Variants in THADA observed in about 807,000 individuals in gnomAD.
The protein encoded by THADA is tRNA (32-2'-O)-methyltransferase regulator THADA.
Under a neutral mutation model 219.8 loss-of-function variants are expected in THADA, and 213 were observed. The ratio of observed to expected loss-of-function variants is 0.97; its 90% CI spans 0.87 to 1.09. The LOEUF (loss-of-function observed/expected upper bound fraction) is 1.09, where lower values mean the gene tolerates loss of function less well. Among genes scored for constraint, THADA ranks in the 50% least tolerant of loss-of-function variants. THADA has a pLI of 0.00. For missense variants in THADA, 2,956 were observed against 2,311.3 expected (o/e 1.28, Z -5.72); for synonymous variants, 1,018 against 828.9 (o/e 1.23, Z -3.92).
At chr2:43,394,260 T>TA (rs1673754099) in intron 29 of THADA, among the ~76,000 whole-genome samples, 1 of 152,222 alleles carries the variant, frequency 6.6e-6, no homozygotes, top group African/African-American at 2.4e-5. Context: ...AAGAAATGAA[T>TA]CCCACATGTT....
chr2:43,356,191 T>C (rs1164754915), intron 29 of THADA, among the ~76,000 whole-genome samples: 1 of 152,192 alleles, frequency 6.6e-6, no homozygotes, highest in Non-Finnish European at 1.5e-5. Context: ...CATTGATTCA[T>C]TCAATAAACA....
At chr2:43,333,228 C>T (rs918154727) in intron 30 of THADA, 2 of 152,176 alleles carry the variant, frequency 1.3e-5, no homozygotes, top group African/African-American at 4.8e-5. Flanking sequence ...AGGATCTCAT[C>T]CGGAGATATC....
At chr2:43,494,324 T>TCA (rs1454488347) in intron 25 of THADA, among the ~76,000 whole-genome samples, 4 of 152,212 alleles carry the variant, frequency 2.6e-5, no homozygotes, top group Admixed American at 2.6e-4. Context: ...TTTCCTTGCC[T>TCA]CACTTCCCTT....
At chr2:43,535,416 C>A (rs942156020) in intron 21 of THADA, among the ~76,000 whole-genome samples, 3 of 151,410 alleles carry the variant, frequency 2.0e-5, no homozygotes, top group Non-Finnish European at 4.4e-5. Flanking sequence ...CGGTGGCTCA[C>A]GCCTGTAATC....
At chr2:43,539,853 C>A (rs1365644968) in intron 21 of THADA, among the ~76,000 whole-genome samples, 1 of 151,622 alleles carries the variant, frequency 6.6e-6, no homozygotes, top group Non-Finnish European at 1.5e-5. Context: ...CCAATTTTAA[C>A]ACGGCTGTCG....
intron 30 of THADA, among the ~76,000 whole-genome samples, chr2:43,322,568 A>G (rs1016199415): frequency 1.1e-4 from 16 of 151,760 alleles, no homozygotes; most frequent in Middle Eastern, 3.2e-3. Flanking sequence ...AGGACACGCA[A>G]TGAAAATGAA....
rs537435940 is a variant in THADA, at chr2:43,570,236, C to A, written c.2187+152G>T. Among the ~76,000 whole-genome samples the A allele has an allele frequency of 3.9e-4, 60 of 152,058 alleles. 1 individual carries two copies. The highest frequency in any genetic ancestry group is 1.4e-3 in the African/African-American group (59 of 41,482). ...ACCCAGGCTACATCAAGTAGAGTAC[C>A]AAAGCACCAGAAATAGGTAATACTC... On this transcript the variant is annotated intron_variant, in intron 14 of 37. Transcript: ENST00000405975.
chr2:43,591,058 C>T (rs764957372), intron 3 of THADA, 104 bp from the exon 4 acceptor site: 1 of 1,050,072 alleles, frequency 9.5e-7, no homozygotes, highest in South Asian at 1.7e-5. Context: ...CAGTGGCTCA[C>T]CCCTGTAATC....
intron 36 of THADA, among the ~76,000 whole-genome samples, chr2:43,248,252 C>T (rs1258505245): frequency 2.5e-5 from 3 of 121,224 alleles, no homozygotes; most frequent in East Asian, 2.9e-4. Context: ...GAGAGAGAGA[C>T]GGAGTCTCGC....
chr2:43,593,066 G>GCT (rs1290083689), intron 1 of THADA, among the ~76,000 whole-genome samples: 2 of 152,150 alleles, frequency 1.3e-5, no homozygotes, highest in African/African-American at 4.8e-5. Context: ...ATGTCATAGG[G>GCT]CTCTTCTCTT....
chr2:43,345,387 A>T (rs1667525575), intron 29 of THADA, among the ~76,000 whole-genome samples: 1 of 152,230 alleles, frequency 6.6e-6, no homozygotes, highest in African/African-American at 2.4e-5. Flanking sequence ...AATACATGCC[A>T]AGCACCTTCT....
chr2:43,435,616 G>A (rs1233452321), intron 26 of THADA, among the ~76,000 whole-genome samples: 1 of 151,398 alleles, frequency 6.6e-6, no homozygotes, highest in African/African-American at 2.4e-5. Flanking sequence ...AATCCTGTCT[G>A]TACTAAAAAT....
At chr2:43,445,497 G>C (rs1362545336) in intron 26 of THADA, among the ~76,000 whole-genome samples, 1 of 152,204 alleles carries the variant, frequency 6.6e-6, no homozygotes, top group Non-Finnish European at 1.5e-5. Flanking sequence ...CACTCAGGAA[G>C]TCTGTGTATT....
intron 15 of THADA, chr2:43,564,594 C>T (rs1005704910): frequency 6.6e-6 from 1 of 152,258 alleles, no homozygotes; most frequent in African/African-American, 2.4e-5. Context: ...AAGGACCCTT[C>T]TTCCATGTAA....
In THADA at chr2:43,578,516, A is replaced by G; in HGVS notation, c.813T>C (p.His271=). The part of the protein sequence containing the change: ...TMFHPSEKIP[H]LISSVLLRSV... ...TCTAAAAAGGAGATGCACTTACCAA[A>G]TGAGGAATCTTTTCAGACGGGTGAA... Residue 271 remains histidine, a synonymous_variant, in exon 9 of 38, where the codon CAT becomes CAC. Coordinates refer to ENST00000405975, the MANE Select transcript of THADA (RefSeq NM_022065.5). 6.2e-7 allele frequency: 1 copy of G among 1,606,402 alleles called. No individual in the cohort carries two copies. The highest frequency in any genetic ancestry group is 8.5e-7 in the Non-Finnish European group (1 of 1,173,650).
At chr2:43,485,430 G>A in intron 25 of THADA, 105 bp from the exon 26 acceptor site, 3 of 772,326 alleles carry the variant, frequency 3.9e-6, no homozygotes, top group Non-Finnish European at 6.4e-6. Context: ...TAACTGGCTA[G>A]TGTGAGGCTA....
At chr2:43,506,746 T>A (rs71420055) in intron 23 of THADA, among the ~76,000 whole-genome samples, 1 of 152,196 alleles carries the variant, frequency 6.6e-6, no homozygotes, top group South Asian at 2.1e-4. Context: ...AATAAAGCTG[T>A]TAAAAAATGT....
At chr2:43,297,264 G>A (rs1189731128) in intron 31 of THADA, among the ~76,000 whole-genome samples, 5 of 108,966 alleles carry the variant, frequency 4.6e-5, no homozygotes, top group Non-Finnish European at 7.2e-5. Flanking sequence ...GTCTCTGCCC[G>A]GCCACCCCGT....
At chr2:43,347,854 TCAGA>T (rs1407122034) in intron 29 of THADA, among the ~76,000 whole-genome samples, 1 of 152,190 alleles carries the variant, frequency 6.6e-6, no homozygotes, top group African/African-American at 2.4e-5. Context: ...TCGGGTCTAG[TCAGA>T]CAAAGACCTT....
Sources: allele counts gnomAD v4.1 joint callset (sites outside exome capture counted in the v4.1 genomes callset), GRCh38; gene constraint gnomAD v4.1.1; transcripts MANE v1.5; gene names NCBI Gene and HGNC (gene_info 2026-07-23, HGNC 2026-07-21).